The following CNTN3 variants were observed in gnomAD, a reference collection of about 807,000 sequenced individuals.
CNTN3 encodes contactin 3.
CNTN3 carries 60 observed loss-of-function variants against 119.1 expected under a neutral mutation model. The observed-to-expected ratio is 0.50, with a 90% CI of 0.41 to 0.62. CNTN3 has a LOEUF of 0.62. CNTN3 is among the 20% of genes least tolerant of loss of function. The probability of loss-of-function intolerance (pLI) is 0.00; values close to 1 mark genes in which losing one functional copy is unlikely to be tolerated. For synonymous variants in CNTN3, 450 were observed against 438.7 expected, an observed-to-expected ratio of 1.03 and a Z score of -0.32; for missense variants, 1,101 against 1,242.4, an observed-to-expected ratio of 0.89 and a Z score of 1.71.
intron 2 of CNTN3, among the ~76,000 whole-genome samples, chr3:74,515,698 T>A (rs577986121): frequency 6.6e-6 from 1 of 152,146 alleles, no homozygotes; most frequent in African/African-American, 2.4e-5. Flanking sequence ...ACTAAGCCAG[T>A]TGGCATGTCA....
chr3:74,351,635 C>A (rs1228486298), intron 11 of CNTN3, among the ~76,000 whole-genome samples: 1 of 152,172 alleles, frequency 6.6e-6, no homozygotes, highest in African/African-American at 2.4e-5. Context: ...ATACTGCATG[C>A]CAGTTAGGCA....
At chr3:74,423,641 C>T (rs2106895218) in intron 5 of CNTN3, among the ~76,000 whole-genome samples, 1 of 152,298 alleles carries the variant, frequency 6.6e-6, no homozygotes, top group Admixed American at 6.5e-5. Context: ...GGTTTGACTT[C>T]TGTTACTTTG....
chr3:74,596,126 C>T (rs939029139), intron 1 of CNTN3, among the ~76,000 whole-genome samples: 11 of 152,180 alleles, frequency 7.2e-5, no homozygotes, highest in Non-Finnish European at 1.6e-4. Context: ...ATCCAACTTA[C>T]AAGGGACGTG....
At chr3:74,601,181 G>A (rs1466246112) in intron 1 of CNTN3, among the ~76,000 whole-genome samples, 1 of 151,956 alleles carries the variant, frequency 6.6e-6, no homozygotes, top group Non-Finnish European at 1.5e-5. Context: ...TAAGGGCCTG[G>A]CCTTATCTCA....
At chr3:74,367,832 A>G (rs1186260541) in intron 8 of CNTN3, among the ~76,000 whole-genome samples, 6 of 152,074 alleles carry the variant, frequency 3.9e-5, no homozygotes, top group Non-Finnish European at 5.9e-5. Context: ...AAACATTAAT[A>G]CAGTTGGAAT....
At chr3:74,333,030 T>C (rs1445246844) in intron 13 of CNTN3, among the ~76,000 whole-genome samples, 1 of 152,142 alleles carries the variant, frequency 6.6e-6, no homozygotes, top group Admixed American at 6.6e-5. Flanking sequence ...GCAGTGACAA[T>C]TTAAAAATAA....
intron 1 of CNTN3, among the ~76,000 whole-genome samples, chr3:74,525,225 G>T: frequency 6.6e-6 from 1 of 151,692 alleles, no homozygotes; most frequent in East Asian, 1.9e-4. Flanking sequence ...AATAGACAAA[G>T]AATTTGATTT....
chr3:74,532,956 A>G (rs746915839), intron 1 of CNTN3, among the ~76,000 whole-genome samples: 12 of 152,038 alleles, frequency 7.9e-5, no homozygotes, highest in Admixed American at 7.2e-4. Flanking sequence ...TCACATAAGC[A>G]AAGTCAAAAG....
At chr3:74,547,046 T>C (rs535147200) in intron 1 of CNTN3, among the ~76,000 whole-genome samples, 1 of 152,316 alleles carries the variant, frequency 6.6e-6, no homozygotes, top group East Asian at 1.9e-4. Context: ...TCCCATCCAC[T>C]TATCCAGGTT....
At chr3:74,291,517 A>G (rs2106795452) in intron 19 of CNTN3, among the ~76,000 whole-genome samples, 1 of 152,218 alleles carries the variant, frequency 6.6e-6, no homozygotes, top group Admixed American at 6.5e-5. Flanking sequence ...AGTCCCACCA[A>G]CAGTGTAAAA....
intron 6 of CNTN3, among the ~76,000 whole-genome samples, chr3:74,370,835 A>G (rs1373948638): frequency 6.6e-6 from 1 of 152,122 alleles, no homozygotes; most frequent in Non-Finnish European, 1.5e-5. Context: ...CAAGCTGGCA[A>G]AAGTCAGGAC....
chr3:74,526,530 G>A (rs565321697), intron 1 of CNTN3, among the ~76,000 whole-genome samples: 4 of 151,900 alleles, frequency 2.6e-5, no homozygotes, highest in African/African-American at 9.6e-5. Context: ...CATTCTGCAT[G>A]CTGACCCTGC....
intron 11 of CNTN3, among the ~76,000 whole-genome samples, chr3:74,353,719 G>A (rs1398660138): frequency 6.6e-6 from 1 of 151,956 alleles, no homozygotes; most frequent in South Asian, 2.1e-4. Flanking sequence ...TTGCGCCACT[G>A]CACTCCAGCC....
rs201715548 is a variant in CNTN3, at chr3:74,501,316, A to C, written c.56-1531T>G. Among the ~76,000 whole-genome samples, 7 of 152,160 alleles carry C rather than the reference A, an allele frequency of 4.6e-5. No homozygotes were observed. The East Asian group carries it at 1.4e-3, about 30-fold the overall frequency. ...AGTCACACCTACATAATAAGGTCTC[A>C]ATAAATAACTCTAGACACGGAGGCT... On this transcript the variant is annotated intron_variant, in intron 2 of 22. Transcript: ENST00000263665.
chr3:74,448,938 G>C (rs1157935937), intron 4 of CNTN3, among the ~76,000 whole-genome samples: 1 of 152,056 alleles, frequency 6.6e-6, no homozygotes, highest in African/African-American at 2.4e-5. Context: ...TATCCAAGAT[G>C]AAAAATTTAT....
intron 4 of CNTN3, among the ~76,000 whole-genome samples, chr3:74,474,811 A>G (rs1246736153): frequency 6.6e-6 from 1 of 152,140 alleles, no homozygotes; most frequent in Non-Finnish European, 1.5e-5. Flanking sequence ...GCTTAGGATC[A>G]TCCCTCTTGG....
At chr3:74,387,431 T>C (rs185673666) in intron 5 of CNTN3, among the ~76,000 whole-genome samples, 40 of 152,268 alleles carry the variant, frequency 2.6e-4, no homozygotes, top group Admixed American at 1.8e-3. Context: ...GAATAGAAAG[T>C]TAATAGGACT....
At chr3:74,592,159 A>C (rs963481545) in intron 1 of CNTN3, among the ~76,000 whole-genome samples, 1 of 151,852 alleles carries the variant, frequency 6.6e-6, no homozygotes, top group African/African-American at 2.4e-5. Flanking sequence ...GAGGACCAGG[A>C]CTCAACCACA....
chr3:74,275,063 G>A (rs1013358269), intron 20 of CNTN3, among the ~76,000 whole-genome samples: 3 of 152,114 alleles, frequency 2.0e-5, no homozygotes, highest in African/African-American at 4.8e-5. Context: ...AATTCAGAGC[G>A]TGAAGACAAG....
Sources: gnomAD v4.1 joint callset for allele counts (sites outside exome capture counted in the v4.1 genomes callset) on GRCh38, gnomAD v4.1.1 for gene constraint, MANE v1.5 for transcripts, NCBI Gene and HGNC (gene_info 2026-07-23, HGNC 2026-07-21) for gene names.